The following FAF1 variants were observed in gnomAD, a reference collection of about 807,000 sequenced individuals.
FAF1 encodes the protein FAS-associated factor 1.
A neutral mutation model predicts 92.5 loss-of-function variants in FAF1; 25 were observed. The observed-to-expected ratio is 0.27, with a 90% CI of 0.20 to 0.38. The LOEUF (loss-of-function observed/expected upper bound fraction) is 0.38. Ranked by LOEUF, FAF1 falls within the 10% of genes least tolerant of loss-of-function variation. The probability of loss-of-function intolerance (pLI) is 1.00; values close to 1 mark genes in which losing one functional copy is unlikely to be tolerated. For missense variants in FAF1, 636 were observed against 793.3 expected (o/e 0.80, Z 2.38); for synonymous variants, 234 against 273.2 (o/e 0.86, Z 1.42).
chr1:50,612,586 T>C lies in FAF1; in HGVS notation c.745-16370A>G, dbSNP rs753072036. 20 of 496,232 alleles carry C rather than the reference T, an allele frequency of 4.0e-5. 1 individual carries two copies. The highest frequency in any genetic ancestry group is 5.0e-5 in the Non-Finnish European group (19 of 382,898). 30.7% of individuals were successfully genotyped at this position (496,232 alleles called of 1,614,324 possible). On this transcript the variant is annotated intron_variant, in intron 8 of 18. Coordinates refer to ENST00000396153, the MANE Select transcript of FAF1 (RefSeq NM_007051.3). ...CCTCAACACTGTGGAACTCTTTGGA[T>C]AGCAAATATAAGAGCTCTGGATATT...
intron 2 of FAF1, among the ~76,000 whole-genome samples, chr1:50,825,941 A>C (rs1644093151): frequency 6.6e-6 from 1 of 152,196 alleles, no homozygotes; most frequent in Non-Finnish European, 1.5e-5. Flanking sequence ...AAAAGAAATT[A>C]AAACAAATTC....
At chr1:50,757,216 A>C (rs1211398571) in intron 4 of FAF1, among the ~76,000 whole-genome samples, 1 of 152,224 alleles carries the variant, frequency 6.6e-6, no homozygotes, top group African/African-American at 2.4e-5. Flanking sequence ...TTTTGCTGTT[A>C]TAATGAGGAG....
At chr1:50,858,520 A>G (rs139450168) in intron 1 of FAF1, among the ~76,000 whole-genome samples, 3 of 151,928 alleles carry the variant, frequency 2.0e-5, no homozygotes, top group Admixed American at 6.6e-5. Context: ...AACTGAGTTA[A>G]GATGTGCTAT....
At chr1:50,585,292 T>G (rs1480090564) in intron 9 of FAF1, among the ~76,000 whole-genome samples, 2 of 152,208 alleles carry the variant, frequency 1.3e-5, no homozygotes, top group East Asian at 3.8e-4. Flanking sequence ...ATCCTCACAT[T>G]GTTATGGATA....
At position 50,860,758 on chromosome 1, in the gene FAF1, T is replaced by A. The variant is rs1414125764; in HGVS notation, c.46-2761A>T. Among the ~76,000 whole-genome samples the A allele has an allele frequency of 2.0e-5, 3 of 151,842 alleles. No individual in the cohort carries two copies. The East Asian group carries it at 5.8e-4, about 29-fold the overall frequency. On this transcript the variant is annotated intron_variant, in intron 1 of 18. Coordinates refer to ENST00000396153, the MANE Select transcript of FAF1 (RefSeq NM_007051.3). ...TATGTATATATTAAAAAAAAATTCA[T>A]TGTACCAAAAAGACAAATTCACTCA... is the stretch of plus-strand genomic sequence containing the variant.
At chr1:50,822,743 G>GTTT (rs757343855) in intron 2 of FAF1, among the ~76,000 whole-genome samples, 15 of 141,274 alleles carry the variant, frequency 1.1e-4, no homozygotes, top group South Asian at 4.4e-4. Flanking sequence ...TTTTTTTGGT[G>GTTT]TTTTTTCTTT....
rs1646276152 is a variant in FAF1 at position 50,450,050 on chromosome 1, C to T, written c.1870-8527G>A. Reference sequence around the variant, plus strand: ...TCTTTACTAAAAATACAAAAATTAGCTGGGCGTGGTGGTGCACACTGTAAT... The same window carrying T: ...TCTTTACTAAAAATACAAAAATTAGTTGGGCGTGGTGGTGCACACTGTAAT... On this transcript the variant is annotated intron_variant, in intron 18 of 18. Transcript: ENST00000396153. 2.0e-5 allele frequency among the ~76,000 whole-genome samples: 3 copies of T among 151,802 alleles called. No homozygotes were observed. The South Asian group carries it at 6.3e-4, about 32-fold the overall frequency.
intron 15 of FAF1, among the ~76,000 whole-genome samples, chr1:50,514,127 G>A (rs896881294): frequency 4.6e-5 from 7 of 152,208 alleles, no homozygotes; most frequent in Non-Finnish European, 1.0e-4. Flanking sequence ...CCTTAGAGAA[G>A]AGCAAGATGC....
chr1:50,582,272 C>A lies in FAF1; in HGVS notation c.1113+346G>T, dbSNP rs190397578. The A allele has an allele frequency of 2.7e-4, 56 of 207,104 alleles. No individual in the cohort carries two copies. In the East Asian group the frequency reaches 5.5e-3, roughly 20 times the overall value. The allele number at this position is 207,104 out of a possible 1,614,324, so 12.8% of individuals were successfully genotyped here. On this transcript the variant is annotated intron_variant, in intron 12 of 18. Coordinates refer to ENST00000396153, the MANE Select transcript of FAF1 (RefSeq NM_007051.3). ...AACCCTATTTCAGTGCTTCACAAGG[C>A]CTTCTGCAAGAGCCAGCAGTACCCC...
intron 15 of FAF1, among the ~76,000 whole-genome samples, chr1:50,519,324 C>A (rs1005150054): frequency 7.5e-6 from 1 of 133,700 alleles, no homozygotes; most frequent in Non-Finnish European, 1.5e-5. Context: ...GCGAGACTGT[C>A]TCGAAAGAAA....
chr1:50,810,388 T>C (rs1569984654), intron 2 of FAF1, among the ~76,000 whole-genome samples: 1 of 152,132 alleles, frequency 6.6e-6, no homozygotes, highest in African/African-American at 2.4e-5. Context: ...ATCCTTCATG[T>C]TAAAAAACCC....
At chr1:50,666,977 C>A (rs1655669065) in intron 7 of FAF1, among the ~76,000 whole-genome samples, 1 of 152,214 alleles carries the variant, frequency 6.6e-6, no homozygotes, top group South Asian at 2.1e-4. Flanking sequence ...TCCACAGCTG[C>A]TGTGCTGCAA....
chr1:50,443,985 G>A (rs914652706), intron 18 of FAF1, among the ~76,000 whole-genome samples: 3 of 152,122 alleles, frequency 2.0e-5, no homozygotes, highest in African/African-American at 4.8e-5. Flanking sequence ...TGTCACCATT[G>A]GATTGCTTCA....
In FAF1 at chr1:50,633,187, C is replaced by G. The variant is rs555292354; in HGVS notation, c.744+22255G>C. 1.7e-3 allele frequency among the ~76,000 whole-genome samples: 263 copies of G among 152,272 alleles called. 1 individual carries two copies. The highest frequency in any genetic ancestry group is 2.9e-3 in the Non-Finnish European group (197 of 68,026). On this transcript the variant is annotated intron_variant, in intron 8 of 18. Coordinates refer to ENST00000396153, the MANE Select transcript of FAF1 (RefSeq NM_007051.3). ...TGGAACAGCCAGCAGGGTTCACAAG[C>G]AATTTAGAAGTTGGGTGCATTTACT...
chr1:50,919,723 G>A (rs1461182173), intron 1 of FAF1, among the ~76,000 whole-genome samples: 3 of 151,996 alleles, frequency 2.0e-5, no homozygotes, highest in South Asian at 2.1e-4. Flanking sequence ...TCCTGACCTC[G>A]TGATCCACCA....
intron 12 of FAF1, among the ~76,000 whole-genome samples, chr1:50,569,963 GAAGA>G (rs1650353402): frequency 6.6e-6 from 1 of 152,086 alleles, no homozygotes; most frequent in African/African-American, 2.4e-5. Flanking sequence ...ATTTAAAAAA[GAAGA>G]AAGAGACAGG....
intron 1 of FAF1, among the ~76,000 whole-genome samples, chr1:50,933,215 T>C (rs1363177478): frequency 6.6e-6 from 1 of 152,222 alleles, no homozygotes; most frequent in African/African-American, 2.4e-5. Context: ...AAAATGGGTC[T>C]TTTCTACTGC....
chr1:50,569,782 T>C (rs989976111), intron 12 of FAF1, among the ~76,000 whole-genome samples: 1 of 152,136 alleles, frequency 6.6e-6, no homozygotes. Context: ...TGATTTAATT[T>C]AAATGCTCTT....
intron 2 of FAF1, among the ~76,000 whole-genome samples, chr1:50,806,888 T>A (rs553418039): frequency 6.6e-6 from 1 of 152,046 alleles, no homozygotes; most frequent in Non-Finnish European, 1.5e-5. Flanking sequence ...AACAAACACA[T>A]TCAAAGGATT....
Sources: allele counts gnomAD v4.1 joint callset (sites outside exome capture counted in the v4.1 genomes callset), GRCh38; gene constraint gnomAD v4.1.1; transcripts MANE v1.5; gene names NCBI Gene and HGNC (gene_info 2026-07-23, HGNC 2026-07-21).